The following UVRAG variants were observed in gnomAD, a reference collection of about 807,000 sequenced individuals.
The protein encoded by UVRAG is UV radiation resistance-associated gene protein.
In UVRAG, 19 loss-of-function variants were observed where a neutral mutation model predicts 78.0. The ratio of observed to expected loss-of-function variants is 0.24; its 90% CI spans 0.17 to 0.36. UVRAG has a LOEUF of 0.36. Ranked by LOEUF, UVRAG falls within the 10% of genes least tolerant of loss-of-function variation. UVRAG has a pLI of 1.00. For missense variants in UVRAG, 740 were observed against 853.8 expected (o/e 0.87, Z 1.66); for synonymous variants, 323 against 324.6 (o/e 1.00, Z 0.05).
intron 2 of UVRAG, among the ~76,000 whole-genome samples, chr11:75,853,651 CAAT>C (rs1005086075): frequency 2.1e-4 from 32 of 151,626 alleles, no homozygotes; most frequent in Admixed American, 1.8e-3. Context: ...CTGTGCCTGG[CAAT>C]AATTTTTAAG....
At chr11:75,906,827 A>G (rs1360169759) in intron 5 of UVRAG, among the ~76,000 whole-genome samples, 3 of 152,150 alleles carry the variant, frequency 2.0e-5, no homozygotes, top group Non-Finnish European at 4.4e-5. Flanking sequence ...AAATCAGTTG[A>G]TCATAGATGC....
chr11:75,888,776 T>C (rs1947150229), intron 4 of UVRAG, 53 bp from the exon 5 acceptor site: 1 of 1,479,010 alleles, frequency 6.8e-7, no homozygotes, highest in Admixed American at 1.9e-5. Flanking sequence ...CTGGTTGTAT[T>C]AAAACATGAT....
chr11:75,995,256 G>C (rs1459986222), intron 8 of UVRAG, among the ~76,000 whole-genome samples: 3 of 151,502 alleles, frequency 2.0e-5, no homozygotes, highest in Admixed American at 6.6e-5. Flanking sequence ...CATTTGGTGG[G>C]AATGACCTAT....
chr11:76,023,629 C>A (rs1256802696), intron 12 of UVRAG, among the ~76,000 whole-genome samples: 1 of 151,990 alleles, frequency 6.6e-6, no homozygotes, highest in African/African-American at 2.4e-5. Flanking sequence ...AGAATCTGAT[C>A]AAAAAATGAG....
At chr11:76,137,724 T>C (rs1952625378) in intron 14 of UVRAG, 3 of 295,192 alleles carry the variant, frequency 1.0e-5, no homozygotes, top group Admixed American at 4.4e-5. Context: ...GATGATGAGA[T>C]CCTGTCTCTA....
chr11:76,092,182 G>A (rs1218397605), intron 13 of UVRAG, among the ~76,000 whole-genome samples: 2 of 151,990 alleles, frequency 1.3e-5, no homozygotes, highest in African/African-American at 2.4e-5. Flanking sequence ...CTTTTTTATG[G>A]CTGCATAGTA....
chr11:75,840,546 G>A (rs1219025833), intron 1 of UVRAG, among the ~76,000 whole-genome samples: 1 of 152,178 alleles, frequency 6.6e-6, no homozygotes, highest in East Asian at 1.9e-4. Flanking sequence ...CTGTTGAGAA[G>A]CCTGTTTTAT....
chr11:76,121,618 A>G (rs1952277446), intron 14 of UVRAG, among the ~76,000 whole-genome samples: 1 of 152,116 alleles, frequency 6.6e-6, no homozygotes, highest in Non-Finnish European at 1.5e-5. Flanking sequence ...GGGCTGTGTG[A>G]TGGGGCCCCA....
At chr11:76,031,895 A>AGG (rs1182745264) in intron 12 of UVRAG, among the ~76,000 whole-genome samples, 2 of 152,212 alleles carry the variant, frequency 1.3e-5, no homozygotes, top group African/African-American at 4.8e-5. Context: ...TATTTATCAT[A>AGG]GGACAGCATA....
At chr11:76,052,023 A>G (rs2134352331) in intron 12 of UVRAG, among the ~76,000 whole-genome samples, 1 of 152,278 alleles carries the variant, frequency 6.6e-6, no homozygotes, top group Non-Finnish European at 1.5e-5. Flanking sequence ...CAATCCTTGA[A>G]GCAGCATGTC....
intron 11 of UVRAG, among the ~76,000 whole-genome samples, chr11:76,011,767 A>G (rs1327721411): frequency 2.0e-5 from 3 of 152,204 alleles, no homozygotes; most frequent in African/African-American, 7.2e-5. Context: ...ATCCTGCCTC[A>G]GTGAGATTAT....
chr11:76,031,727 G>A (rs942893490), intron 12 of UVRAG, among the ~76,000 whole-genome samples: 4 of 152,166 alleles, frequency 2.6e-5, no homozygotes, highest in African/African-American at 9.7e-5. Context: ...GGGCTGGGGG[G>A]ACTGGACAGA....
chr11:76,040,865 A>C (rs529733676), intron 12 of UVRAG, among the ~76,000 whole-genome samples: 5 of 152,146 alleles, frequency 3.3e-5, no homozygotes, highest in African/African-American at 9.6e-5. Flanking sequence ...AACACACTGG[A>C]TTTTAAAATG....
At chr11:75,856,359 C>T (rs1189705439) in intron 2 of UVRAG, among the ~76,000 whole-genome samples, 1 of 152,172 alleles carries the variant, frequency 6.6e-6, no homozygotes, top group Non-Finnish European at 1.5e-5. Context: ...TGCCTGCCCT[C>T]TCCTGGAATA....
intron 14 of UVRAG, among the ~76,000 whole-genome samples, chr11:76,135,468 G>A (rs765229070): frequency 6.6e-6 from 1 of 152,136 alleles, no homozygotes; most frequent in Non-Finnish European, 1.5e-5. Flanking sequence ...CTCCCTCATC[G>A]TGCCATTGTT....
At chr11:75,865,185 G>C (rs749589643) in intron 3 of UVRAG, among the ~76,000 whole-genome samples, 3 of 151,358 alleles carry the variant, frequency 2.0e-5, no homozygotes, top group Admixed American at 1.3e-4. Flanking sequence ...TACTCGGGAG[G>C]CTGAGGCAGG....
intron 5 of UVRAG, among the ~76,000 whole-genome samples, 171 bp from the exon 6 acceptor site, chr11:75,911,783 A>C (rs1947745765): frequency 6.6e-6 from 1 of 152,140 alleles, no homozygotes; most frequent in Non-Finnish European, 1.5e-5. Flanking sequence ...CCTCACCTGA[A>C]AGGTTAGGCT....
intron 1 of UVRAG, among the ~76,000 whole-genome samples, chr11:75,816,481 TGA>T (rs1435100889): frequency 7.2e-5 from 11 of 152,242 alleles, no homozygotes; most frequent in African/African-American, 2.4e-4. Context: ...TGTCATTTAC[TGA>T]GAACTTACCG....
At chr11:76,118,738 T>G (rs1952227432) in intron 14 of UVRAG, among the ~76,000 whole-genome samples, 1 of 152,232 alleles carries the variant, frequency 6.6e-6, no homozygotes, top group Non-Finnish European at 1.5e-5. Flanking sequence ...TGTCTCCATC[T>G]GCAAACTGAA....
Sources: allele counts gnomAD v4.1 joint callset (sites outside exome capture counted in the v4.1 genomes callset), GRCh38; gene constraint gnomAD v4.1.1; transcripts MANE v1.5; gene names NCBI Gene and HGNC (gene_info 2026-07-23, HGNC 2026-07-21).